ALMS1: variants seen among roughly 807,000 people sequenced by gnomAD.
ALMS1 encodes centrosome-associated protein ALMS1.
In ALMS1, 271 loss-of-function variants were observed where a neutral mutation model predicts 352.2. That is an observed-to-expected ratio of 0.77 (90% CI 0.70 to 0.85). The LOEUF is 0.85. Ranked by LOEUF, ALMS1 falls within the 40% of genes least tolerant of loss-of-function variation. The pLI is 0.00. For missense variants in ALMS1, 5,445 were observed against 4,870.7 expected, an observed-to-expected ratio of 1.12 and a Z score of -3.51; for synonymous variants, 1,865 against 1,761.2, an observed-to-expected ratio of 1.06 and a Z score of -1.48.
chr2:73,592,635 A>G (rs1324714913), intron 16 of ALMS1, among the ~76,000 whole-genome samples: 1 of 152,202 alleles, frequency 6.6e-6, no homozygotes, highest in African/African-American at 2.4e-5. Flanking sequence ...AGCAGTACCA[A>G]TCCTCCTGCC....
chr2:73,550,564 GAGC>G, intron 13 of ALMS1, 127 bp downstream of exon 13: 2 of 1,244,630 alleles, frequency 1.6e-6, no homozygotes, highest in Non-Finnish European at 2.2e-6. Flanking sequence ...CTGTTATATT[GAGC>G]ATATACAAGA....
chr2:73,549,671 A>C (rs1193761842), intron 12 of ALMS1, among the ~76,000 whole-genome samples: 1 of 152,054 alleles, frequency 6.6e-6, no homozygotes, highest in Non-Finnish European at 1.5e-5. Context: ...TTCCTCCAAA[A>C]CCATCATGAG....
At chr2:73,393,294 A>G (rs1324344340) in intron 1 of ALMS1, among the ~76,000 whole-genome samples, 3 of 152,026 alleles carry the variant, frequency 2.0e-5, no homozygotes, top group Non-Finnish European at 4.4e-5. Flanking sequence ...TAGTATTGCT[A>G]TTACATGTAG....
intron 9 of ALMS1, among the ~76,000 whole-genome samples, chr2:73,483,408 T>A (rs1672757024): frequency 6.6e-6 from 1 of 151,864 alleles, no homozygotes; most frequent in South Asian, 2.1e-4. Flanking sequence ...AATCTTGAGT[T>A]CTAGTTTGAT....
At chr2:73,540,581 A>G (rs779988016) in intron 12 of ALMS1, among the ~76,000 whole-genome samples, 3 of 152,236 alleles carry the variant, frequency 2.0e-5, no homozygotes, top group Admixed American at 6.5e-5. Flanking sequence ...AGACTGGCAA[A>G]TTGGATAAAG....
In ALMS1 at chr2:73,573,177, C is replaced by G. The variant is rs748655562; in HGVS notation, c.11300C>G (p.Thr3767Ser). The change falls in exon 16 of 23, where the codon ACC becomes AGC. Residue 3767 changes from threonine (T) to serine (S), a missense_variant. Transcript: ENST00000613296. The part of the protein sequence containing the change: ...TTSTVESDIL[T>S]QTDREVALHE... The stretch of plus-strand genomic sequence containing the variant: ...TCTACTGTCGAATCAGATATATTGA[C>G]CCAAACAGATAGAGAGGTGGCTCTG... The G allele has an allele frequency of 1.2e-5, 20 of 1,613,010 alleles. No individual in the cohort carries two copies. Among genetic ancestry groups the G allele is most frequent in the Non-Finnish European group, 1.6e-5 (19 of 1,179,534 alleles).
intron 13 of ALMS1, among the ~76,000 whole-genome samples, chr2:73,556,958 T>C (rs1674558626): frequency 6.6e-6 from 1 of 152,154 alleles, no homozygotes; most frequent in Admixed American, 6.5e-5. Context: ...CGCCTCAGCC[T>C]CCCAAAGTGC....
chr2:73,463,190 T>A (rs868382345), intron 9 of ALMS1, among the ~76,000 whole-genome samples: 2 of 152,178 alleles, frequency 1.3e-5, no homozygotes, highest in South Asian at 2.1e-4. Context: ...ATTCCAAAAC[T>A]GACCACGTAG....
At chr2:73,467,875 A>G (rs1229138231) in intron 9 of ALMS1, among the ~76,000 whole-genome samples, 1 of 152,064 alleles carries the variant, frequency 6.6e-6, no homozygotes, top group Admixed American at 6.6e-5. Context: ...TGAAATTCAA[A>G]AACTAATCAA....
chr2:73,444,292 A>G (rs191599703), intron 7 of ALMS1, among the ~76,000 whole-genome samples: 2 of 152,240 alleles, frequency 1.3e-5, no homozygotes, highest in Admixed American at 1.3e-4. Flanking sequence ...GGGTGCACCT[A>G]TCAGGGTGGT....
At chr2:73,471,109 G>A (rs1486166026) in intron 9 of ALMS1, 2 of 151,510 alleles carry the variant, frequency 1.3e-5, no homozygotes, top group East Asian at 3.9e-4. Flanking sequence ...TTATTGATAG[G>A]GAAAGACTTA....
At chr2:73,544,282 T>C (rs546918080) in intron 12 of ALMS1, among the ~76,000 whole-genome samples, 52 of 152,050 alleles carry the variant, frequency 3.4e-4, no homozygotes, top group African/African-American at 1.2e-3. Context: ...AACCAAACAC[T>C]GCATGTTGTC....
chr2:73,469,487 CAT>C (rs1343136860), intron 9 of ALMS1: 1 of 151,766 alleles, frequency 6.6e-6, no homozygotes, highest in Non-Finnish European at 1.5e-5. Flanking sequence ...TAATGTATAA[CAT>C]ATAACTCTCG....
intron 9 of ALMS1, among the ~76,000 whole-genome samples, chr2:73,467,686 A>T (rs1028849540): frequency 5.3e-5 from 8 of 152,058 alleles, no homozygotes; most frequent in Admixed American, 5.2e-4. Context: ...AAAACTACAT[A>T]AATGTATATC....
At chr2:73,493,541 G>A (rs1039215234) in intron 10 of ALMS1, among the ~76,000 whole-genome samples, 4 of 152,016 alleles carry the variant, frequency 2.6e-5, no homozygotes, top group African/African-American at 9.7e-5. Context: ...TGATCAACAT[G>A]GAGAAGCCCC....
intron 16 of ALMS1, among the ~76,000 whole-genome samples, chr2:73,589,840 C>T (rs554828603): frequency 6.6e-6 from 1 of 152,296 alleles, no homozygotes; most frequent in South Asian, 2.1e-4. Flanking sequence ...CTGTCTGAAA[C>T]TGTCTTTAGC....
chr2:73,454,914 T>C (rs1477740679), intron 8 of ALMS1, among the ~76,000 whole-genome samples: 1 of 152,190 alleles, frequency 6.6e-6, no homozygotes, highest in Non-Finnish European at 1.5e-5. Flanking sequence ...AAGATAAATA[T>C]GATTGATTAC....
chr2:73,501,990 A>G (rs967184624), intron 10 of ALMS1, among the ~76,000 whole-genome samples: 1 of 151,988 alleles, frequency 6.6e-6, no homozygotes, highest in African/African-American at 2.4e-5. Flanking sequence ...CACATCTACT[A>G]AATATATTCC....
At chr2:73,428,245 A>G (rs1236613879) in intron 6 of ALMS1, among the ~76,000 whole-genome samples, 1 of 152,172 alleles carries the variant, frequency 6.6e-6, no homozygotes, top group Non-Finnish European at 1.5e-5. Context: ...GATTATTATC[A>G]TCCCTATTTT....
Sources: gnomAD v4.1 joint callset for allele counts (sites outside exome capture counted in the v4.1 genomes callset) on GRCh38, gnomAD v4.1.1 for gene constraint, MANE v1.5 for transcripts, NCBI Gene and HGNC (gene_info 2026-07-23, HGNC 2026-07-21) for gene names.